Variants in ZFP36L1 observed in about 807,000 individuals in gnomAD.
ZFP36L1 encodes mRNA decay activator protein ZFP36L1.
A neutral mutation model predicts 16.7 loss-of-function variants in ZFP36L1; 4 were observed. That is an observed-to-expected ratio of 0.24 (90% confidence interval 0.12 to 0.55). ZFP36L1 has a LOEUF of 0.55. ZFP36L1 is among the 20% of genes least tolerant of loss of function. ZFP36L1 has a pLI of 0.94. For missense variants in ZFP36L1, 311 were observed against 449.2 expected, an observed-to-expected ratio of 0.69 and a Z score of 2.78; for synonymous variants, 220 against 190.8, an observed-to-expected ratio of 1.15 and a Z score of -1.26.
At chr14:68,794,260 T>G (rs1407882271), upstream of ZFP36L1, 15 of 152,246 alleles carry the variant, frequency 9.9e-5, no homozygotes, top group Admixed American at 9.8e-4. Flanking sequence ...TTATTGTTGC[T>G]TCTCTCTCGC....
upstream of ZFP36L1, among the ~76,000 whole-genome samples, chr14:68,795,208 G>C (rs2140215166): frequency 6.6e-6 from 1 of 152,314 alleles, no homozygotes; most frequent in Middle Eastern, 3.4e-3. Context: ...CAGATTTCAG[G>C]ACAGAGCAGA....
chr14:68,795,834 G>A (rs772905214), upstream of ZFP36L1: 2 of 540,982 alleles, frequency 3.7e-6, no homozygotes, highest in South Asian at 1.4e-5. Context: ...GCCGAGAGGA[G>A]GGAGCGAGTC....
intron 1 of ZFP36L1, among the ~76,000 whole-genome samples, chr14:68,791,838 G>A (rs1202035112): frequency 6.6e-6 from 1 of 152,174 alleles, no homozygotes; most frequent in East Asian, 1.9e-4. Flanking sequence ...CGGCGTCCCT[G>A]CACCCCAACC....
intron 1 of ZFP36L1, chr14:68,791,311 G>A (rs1022031065): frequency 4.0e-6 from 2 of 501,776 alleles, no homozygotes; most frequent in South Asian, 6.3e-5. Flanking sequence ...CAAAGCTGCA[G>A]ATGGAAAGGA....
chr14:68,791,228 A>C (rs1566560386), intron 1 of ZFP36L1: 1 of 566,472 alleles, frequency 1.8e-6, no homozygotes, highest in Non-Finnish European at 3.2e-6. Context: ...TTCACTGAGA[A>C]GATGCCTTTG....
Position 68,789,691 on chromosome 14 carries a change from G to T in ZFP36L1, c.859C>A (p.His287Asn). The T allele has an allele frequency of 6.2e-7, 1 of 1,614,118 alleles. No individual in the cohort carries two copies. Among genetic ancestry groups the T allele is most frequent in the African/African-American group, 1.3e-5 (1 of 75,034 alleles). ...GGGCTGGGGGGAGAGTCAAACATGTGAGGGGACTCGGACATGGGCCGGAAG... is the reference window on the plus strand; with the variant it reads ...GGGCTGGGGGGAGAGTCAAACATGTTAGGGGACTCGGACATGGGCCGGAAG... ...FLFRPMSESPHMFDSPPSPQD... is the reference protein window; with the variant it reads ...FLFRPMSESPNMFDSPPSPQD... The change falls in exon 2 of 2, where the codon CAC becomes AAC. Residue 287 changes from histidine (H) to asparagine (N), a missense_variant. By Grantham distance (68) the His-to-Asn change is moderately conservative. Transcript: ENST00000439696. The surrounding 1 kb of genome is among the most constrained non-coding windows in gnomAD (Gnocchi z 4.5).
chr14:68,794,642 A>C (rs961989381), upstream of ZFP36L1: 2 of 152,342 alleles, frequency 1.3e-5, no homozygotes, highest in African/African-American at 4.8e-5. Context: ...ATTGAGTTCC[A>C]TTGCGATGTA....
chr14:68,792,483 G>A (rs975459765), intron 1 of ZFP36L1, among the ~76,000 whole-genome samples: 3 of 152,244 alleles, frequency 2.0e-5, no homozygotes, highest in Admixed American at 6.5e-5. Context: ...CCCACGGGTG[G>A]GTAATGCCGC....
At chr14:68,791,032 G>A (rs1052843887) in intron 1 of ZFP36L1, 2 of 701,900 alleles carry the variant, frequency 2.8e-6, no homozygotes, top group Admixed American at 2.0e-5. Context: ...CCTTCCTTTG[G>A]CAACAGGTTT....
At chr14:68,793,633 G>C, upstream of ZFP36L1, 1 of 985,698 alleles carries the variant, frequency 1.0e-6, no homozygotes, top group Non-Finnish European at 1.2e-6. Context: ...ACTTCCCCAA[G>C]TGTCTGCACA....
chr14:68,793,868 G>C (rs1412633340), upstream of ZFP36L1: 2 of 984,458 alleles, frequency 2.0e-6, no homozygotes, highest in African/African-American at 3.5e-5. Context: ...ACAATTTAGT[G>C]CGCCGCACGC....
In ZFP36L1 at chr14:68,790,341, C is replaced by G. The variant is rs774050515; in HGVS notation, c.209G>C (p.Ser70Thr). The G allele has an allele frequency of 2.4e-5, 38 of 1,611,952 alleles. No homozygotes were observed. The African/African-American group carries it at 4.8e-4, about 20-fold the overall frequency. Residue 70 changes from serine to threonine, a missense_variant, in exon 2 of 2, where the codon AGC (serine) becomes ACC (threonine). Around this residue, in one of 4 missense-constraint regions of ZFP36L1, gnomAD observed 137 missense variants for 142.6 expected, o/e 0.96. Transcript: ENST00000439696. ...AGCGGGGGCTGGCTCACCCTTGAGG[C>G]TGCTGAGGAGCTGGTTCTGGTGGAA... ...SKFHQNQLLS[S>T]LKGEPAPALS...
Position 68,787,932 on chromosome 14 carries a change from T to A in ZFP36L1, c.*1601A>T, listed in dbSNP as rs1368723943. ...CACGTGGAAGTCAAAGGGTTTCTCT[T>A]TTTTTTTTTTTCCCCTTTTAGAAGC... is the stretch of plus-strand genomic sequence containing the variant. On this transcript the variant is annotated 3_prime_UTR_variant, in exon 2 of 2. Coordinates refer to ENST00000439696, the MANE Select transcript of ZFP36L1 (RefSeq NM_004926.4). The A allele has an allele frequency of 6.7e-6, 1 of 149,024 alleles. No individual in the cohort carries two copies. Among genetic ancestry groups the A allele is most frequent in the Non-Finnish European group, 1.5e-5 (1 of 66,998 alleles). 9.2% of individuals were successfully genotyped at this position (149,024 alleles called of 1,614,324 possible). A position where few individuals can be genotyped will look rare whatever the true frequency, so the allele number is the denominator to read the frequency against.
chr14:68,790,208 G>A lies in ZFP36L1; in HGVS notation c.342C>T (p.Arg114=). Residue 114 remains arginine, a synonymous_variant, in exon 2 of 2, where the codon CGC becomes CGT. Coordinates refer to ENST00000439696, the MANE Select transcript of ZFP36L1 (RefSeq NM_004926.4). ...QPGGGQVNSS[R]YKTELCRPFE... is the part of the protein sequence containing the mutation. ...AGGGGCGGCACAGCTCCGTCTTGTAGCGGCTGGAGTTGACCTGGCCGCCCC... is the reference window on the plus strand; with the variant it reads ...AGGGGCGGCACAGCTCCGTCTTGTAACGGCTGGAGTTGACCTGGCCGCCCC... 1.2e-6 allele frequency: 2 copies of A among 1,613,624 alleles called. No individual in the cohort carries two copies. The highest frequency in any genetic ancestry group is 1.3e-5 in the African/African-American group (1 of 75,072).
chr14:68,791,435 C>T (rs1235754531), intron 1 of ZFP36L1, among the ~76,000 whole-genome samples: 2 of 152,070 alleles, frequency 1.3e-5, no homozygotes, highest in African/African-American at 4.8e-5. Context: ...ACCCTGGTCA[C>T]CTGCCCAAAT....
At chr14:68,791,430 G>T (rs530535647) in intron 1 of ZFP36L1, among the ~76,000 whole-genome samples, 1 of 152,108 alleles carries the variant, frequency 6.6e-6, no homozygotes, top group Non-Finnish European at 1.5e-5. Context: ...ATAGGACCCT[G>T]GTCACCTGCC....
chr14:68,792,468 C>T (rs191955253), intron 1 of ZFP36L1, among the ~76,000 whole-genome samples: 1 of 152,310 alleles, frequency 6.6e-6, no homozygotes, highest in African/African-American at 2.4e-5. Context: ...CCTCCCACTC[C>T]CAACCCCACG....
upstream of ZFP36L1, chr14:68,793,453 C>A: frequency 1.0e-6 from 1 of 992,828 alleles, no homozygotes; most frequent in South Asian, 4.3e-5. Flanking sequence ...AGCCTCAGAG[C>A]GCGGCTGTGA....
chr14:68,795,095 GTTTC>G (rs1324182476), upstream of ZFP36L1, among the ~76,000 whole-genome samples: 2 of 152,164 alleles, frequency 1.3e-5, no homozygotes, highest in African/African-American at 4.8e-5. Context: ...TCAAGTGTAG[GTTTC>G]TTTCTTAGAG....
Sources: gnomAD v4.1 joint callset for allele counts (sites outside exome capture counted in the v4.1 genomes callset) on GRCh38, gnomAD v4.1.1 for gene constraint, gnomAD v4.1.1 regional missense constraint, Gnocchi (gnomAD v3.1) non-coding constraint, MANE v1.5 for transcripts, NCBI Gene and HGNC (gene_info 2026-07-23, HGNC 2026-07-21) for gene names.